USP8: variants seen among roughly 807,000 people sequenced by gnomAD.
USP8 encodes the protein ubiquitin specific peptidase 8, also known as ubiquitin carboxyl-terminal hydrolase 8.
A neutral mutation model predicts 130.0 loss-of-function variants in USP8; 27 were observed. That is an observed-to-expected ratio of 0.21 (90% confidence interval 0.15 to 0.29). The LOEUF (loss-of-function observed/expected upper bound fraction) is 0.29, where lower values mean the gene tolerates loss of function less well. Among genes scored for constraint, USP8 ranks in the 10% least tolerant of loss-of-function variants. USP8 has a pLI of 1.00. For missense variants in USP8, 1,029 were observed against 1,312.2 expected, an observed-to-expected ratio of 0.78 and a Z score of 3.33; for synonymous variants, 392 against 444.1, an observed-to-expected ratio of 0.88 and a Z score of 1.48.
At chr15:50,439,321 A>G in intron 2 of USP8, 144 bp downstream of exon 2, 1 of 557,766 alleles carries the variant, frequency 1.8e-6, no homozygotes, top group Non-Finnish European at 3.1e-6. Flanking sequence ...AGAAAGTTGT[A>G]ATGTAATCGT....
At position 50,508,237 on chromosome 15, in the gene USP8, CACTT is replaced by C. The variant is rs2052690869; in HGVS notation, c.*9151_*9154del. On this transcript the variant is annotated 3_prime_UTR_variant, in exon 20 of 20. Transcript: ENST00000307179. ...TTATAAATAAATTATAAAAGTAAAA[CACTT>C]AGAAGTAAATAGTAATGAAAATACT... 1 of 151,608 alleles carries C rather than the reference CACTT, an allele frequency of 6.6e-6. No individual in the cohort carries two copies. The highest frequency in any genetic ancestry group is 2.4e-5 in the African/African-American group (1 of 41,240). The allele number at this position is 151,608 out of a possible 1,614,324, so 9.4% of individuals were successfully genotyped here.
intron 8 of USP8, among the ~76,000 whole-genome samples, chr15:50,473,498 T>C (rs977807165): frequency 1.3e-5 from 2 of 151,976 alleles, no homozygotes; most frequent in Admixed American, 1.3e-4. Flanking sequence ...TTGTTTTAAT[T>C]TTAATTTTTA....
intron 7 of USP8, among the ~76,000 whole-genome samples, chr15:50,470,125 G>A (rs1024321724): frequency 2.6e-5 from 4 of 152,160 alleles, no homozygotes; most frequent in Middle Eastern, 3.2e-3. Context: ...GAGCCACCGC[G>A]TCCAGCTGAT....
At chr15:50,498,818 AC>A in intron 19 of USP8, 84 bp from the exon 20 acceptor site, 1 of 1,549,742 alleles carries the variant, frequency 6.5e-7, no homozygotes, top group Non-Finnish European at 8.7e-7. Context: ...AAGAGTAAGA[AC>A]AACATAAAGC....
chr15:50,430,325 C>G (rs2049891124), intron 1 of USP8, among the ~76,000 whole-genome samples: 1 of 152,268 alleles, frequency 6.6e-6, no homozygotes, highest in South Asian at 2.1e-4. Context: ...CCAGCCTGGA[C>G]AGCAGAGTGA....
At chr15:50,432,808 A>G (rs1420978888) in intron 1 of USP8, among the ~76,000 whole-genome samples, 1 of 152,194 alleles carries the variant, frequency 6.6e-6, no homozygotes, top group Non-Finnish European at 1.5e-5. Flanking sequence ...TGACCTTCTA[A>G]TGGATTTTAA....
chr15:50,461,821 C>T (rs549612215), intron 5 of USP8, among the ~76,000 whole-genome samples: 2 of 151,148 alleles, frequency 1.3e-5, no homozygotes, highest in South Asian at 4.2e-4. Context: ...CCATTGCAAT[C>T]CAGCCTGGCC....
chr15:50,475,946 C>A (rs2051554587), intron 8 of USP8, among the ~76,000 whole-genome samples: 1 of 152,010 alleles, frequency 6.6e-6, no homozygotes, highest in African/African-American at 2.4e-5. Flanking sequence ...CTAAGATTAG[C>A]AATATATTGA....
intron 4 of USP8, among the ~76,000 whole-genome samples, chr15:50,456,108 A>G (rs1221889032): frequency 6.6e-6 from 1 of 152,204 alleles, no homozygotes; most frequent in Non-Finnish European, 1.5e-5. Context: ...AACAATGGAA[A>G]CTACTAAGTC....
chr15:50,493,006 C>A, intron 15 of USP8, 93 bp downstream of exon 15: 1 of 1,216,690 alleles, frequency 8.2e-7, no homozygotes, highest in Non-Finnish European at 1.2e-6. Flanking sequence ...GCTGCTATAA[C>A]AAAATACCTA....
chr15:50,495,476 T>G (rs2052354989), intron 16 of USP8, among the ~76,000 whole-genome samples: 1 of 126,966 alleles, frequency 7.9e-6, no homozygotes, highest in African/African-American at 3.2e-5. Flanking sequence ...CTTTTTTTAG[T>G]AGAGATTGGA....
chr15:50,466,465 T>C (rs3131566), intron 7 of USP8, among the ~76,000 whole-genome samples: 76,702 of 151,600 alleles, frequency 0.51, 19,594 homozygotes, highest in East Asian at 0.58. Flanking sequence ...TGAGGTGGCG[T>C]ATGCCTATAA....
intron 14 of USP8, 38 bp downstream of exon 14, chr15:50,490,563 C>G (rs1426018336): frequency 6.3e-7 from 1 of 1,593,248 alleles, no homozygotes; most frequent in East Asian, 2.2e-5. Context: ...AAATAATGTG[C>G]TGTATTTCAA....
intron 18 of USP8, chr15:50,497,698 C>T (rs1163776875): frequency 6.6e-6 from 1 of 152,064 alleles, no homozygotes; most frequent in African/African-American, 2.4e-5. Context: ...AGATCTAGTC[C>T]TATAATAGAA....
intron 12 of USP8, chr15:50,489,595 C>T (rs567243893): frequency 3.2e-4 from 84 of 266,490 alleles, no homozygotes; most frequent in African/African-American, 1.9e-3. Flanking sequence ...TACTCCTCTA[C>T]ACCTTGGTAT....
chr15:50,484,478 G>A (rs1394097299), intron 12 of USP8, 117 bp downstream of exon 12: 8 of 778,444 alleles, frequency 1.0e-5, no homozygotes, highest in East Asian at 6.3e-5. Flanking sequence ...TAAGGGGATC[G>A]TTGCCATCTT....
In USP8 at chr15:50,484,286, T is replaced by G. The variant is rs1330776879; in HGVS notation, c.1815T>G (p.Ile605Met). The G allele has an allele frequency of 6.2e-7, 1 of 1,610,344 alleles. No homozygotes were observed. Among genetic ancestry groups the G allele is most frequent in the South Asian group, 1.1e-5 (1 of 90,438 alleles). Residue 605 changes from isoleucine (I) to methionine (M), a missense_variant, in exon 12 of 20, where the codon ATT (isoleucine) becomes ATG (methionine). Physicochemically the swap from Ile to Met is conservative, Grantham distance 10 (BLOSUM62 1). Transcript: ENST00000307179. ...GDSGSGKPFKIKGQPESGILR... is the reference protein window; with the variant it reads ...GDSGSGKPFKMKGQPESGILR... ...TAATAATTTTACAGCCATTTAAGAT[T>G]AAAGGACAACCAGAAAGTGGAATTC...
intron 15 of USP8, chr15:50,493,747 CA>C: frequency 4.9e-6 from 2 of 407,192 alleles, no homozygotes; most frequent in Admixed American, 3.5e-5. Flanking sequence ...GACCCTATCT[CA>C]AAAAAGAGTA....
At chr15:50,484,165 T>C (rs2051870612) in intron 11 of USP8, 110 bp from the exon 12 acceptor site, 3 of 812,686 alleles carry the variant, frequency 3.7e-6, no homozygotes, top group Non-Finnish European at 5.5e-6. Context: ...GCCTTTTTTT[T>C]CTCCTTTTAC....
Sources: allele counts gnomAD v4.1 joint callset (sites outside exome capture counted in the v4.1 genomes callset), GRCh38; gene constraint gnomAD v4.1.1; transcripts MANE v1.5; gene names NCBI Gene and HGNC (gene_info 2026-07-23, HGNC 2026-07-21).